The following LRP2 variants were observed in gnomAD, a reference collection of about 807,000 sequenced individuals.
The protein encoded by LRP2 is LDL receptor related protein 2, also known as low-density lipoprotein receptor-related protein 2.
LRP2 carries 172 observed loss-of-function variants against 531.0 expected under a neutral mutation model. That is an observed-to-expected ratio of 0.32 (90% confidence interval 0.29 to 0.37). The LOEUF (loss-of-function observed/expected upper bound fraction) is 0.37, where lower values mean the gene tolerates loss of function less well. Ranked by LOEUF, LRP2 falls within the 10% of genes least tolerant of loss-of-function variation. The probability of loss-of-function intolerance (pLI) is 1.00; values close to 1 mark genes in which losing one functional copy is unlikely to be tolerated. For synonymous variants in LRP2, 1,992 were observed against 2,027.6 expected, an observed-to-expected ratio of 0.98 and a Z score of 0.47; for missense variants, 5,167 against 5,868.3, an observed-to-expected ratio of 0.88 and a Z score of 3.90.
At chr2:169,269,093 A>G (rs1444491777) in intron 16 of LRP2, among the ~76,000 whole-genome samples, 1 of 152,112 alleles carries the variant, frequency 6.6e-6, no homozygotes, top group Admixed American at 6.6e-5. Context: ...ACTGCTCAGC[A>G]AAATAAAAGA....
At chr2:169,258,936 G>T in intron 17 of LRP2, 89 bp downstream of exon 17, 1 of 1,145,502 alleles carries the variant, frequency 8.7e-7, no homozygotes, top group South Asian at 1.2e-5. Flanking sequence ...TATATTTGCT[G>T]AACTTACCTA....
intron 31 of LRP2, among the ~76,000 whole-genome samples, chr2:169,229,966 C>CT (rs942618778): frequency 5.9e-5 from 9 of 151,866 alleles, no homozygotes; most frequent in African/African-American, 1.7e-4. Context: ...ATGTGGAAAC[C>CT]TTTTTTCATT....
chr2:169,135,688 A>G (rs1326938241), intron 76 of LRP2, among the ~76,000 whole-genome samples: 1 of 151,160 alleles, frequency 6.6e-6, no homozygotes, highest in Non-Finnish European at 1.5e-5. Flanking sequence ...TGCCCTTCTC[A>G]GAATTCAGGC....
chr2:169,258,517 C>T (rs918297440), intron 17 of LRP2, among the ~76,000 whole-genome samples: 1 of 151,976 alleles, frequency 6.6e-6, no homozygotes, highest in Non-Finnish European at 1.5e-5. Context: ...AAAGTAGGAA[C>T]CAAAAAGGAA....
At chr2:169,285,063 C>T (rs1683816844) in intron 9 of LRP2, among the ~76,000 whole-genome samples, 1 of 151,474 alleles carries the variant, frequency 6.6e-6, no homozygotes, top group Non-Finnish European at 1.5e-5. Flanking sequence ...AATCCCAGCA[C>T]TTTGGGAGGG....
chr2:169,231,163 G>A (rs527816300), intron 31 of LRP2, among the ~76,000 whole-genome samples: 17 of 152,054 alleles, frequency 1.1e-4, no homozygotes, highest in African/African-American at 3.4e-4. Flanking sequence ...GTGTGGTGGC[G>A]TGCACCTATA....
intron 50 of LRP2, among the ~76,000 whole-genome samples, chr2:169,184,749 GTT>G (rs373418121): frequency 7.6e-6 from 1 of 131,742 alleles, no homozygotes; most frequent in South Asian, 2.9e-4. Context: ...AGTATTGGTT[GTT>G]TTTTTTGTTT....
chr2:169,221,719 T>TTCC (rs1689014678), intron 33 of LRP2, among the ~76,000 whole-genome samples: 1 of 151,616 alleles, frequency 6.6e-6, no homozygotes, highest in Non-Finnish European at 1.5e-5. Context: ...TATATCCTTC[T>TTCC]TTCCCTCATT....
chr2:169,152,045 A>G (rs1267922570), intron 67 of LRP2, among the ~76,000 whole-genome samples: 1 of 152,204 alleles, frequency 6.6e-6, no homozygotes, highest in African/African-American at 2.4e-5. Flanking sequence ...GTTCATTTTC[A>G]AGGAATCATT....
chr2:169,346,557 G>A (rs1257342058), intron 1 of LRP2, among the ~76,000 whole-genome samples: 4 of 152,096 alleles, frequency 2.6e-5, no homozygotes. Flanking sequence ...AAGAAAAACA[G>A]AGCTAGGCAC....
intron 1 of LRP2, among the ~76,000 whole-genome samples, chr2:169,348,888 C>A (rs1439422072): frequency 2.0e-5 from 3 of 152,118 alleles, no homozygotes; most frequent in Non-Finnish European, 2.9e-5. Flanking sequence ...ATAGAGACAG[C>A]AATTTTCCTT....
intron 1 of LRP2, among the ~76,000 whole-genome samples, chr2:169,353,541 T>C (rs1685908678): frequency 6.6e-6 from 1 of 152,138 alleles, no homozygotes; most frequent in Non-Finnish European, 1.5e-5. Flanking sequence ...AAAAGTATTC[T>C]CCACACCCTT....
chr2:169,320,724 G>T, intron 2 of LRP2, 53 bp downstream of exon 2: 2 of 1,408,360 alleles, frequency 1.4e-6, no homozygotes, highest in Non-Finnish European at 2.0e-6. Context: ...GAAATCACCA[G>T]GAAGCACTTA....
rs1684140079 is a variant in LRP2, at chr2:169,296,602, C to A, written c.428-1892G>T. ...GAAGAAAAACTCGTAGAAAACCCAG[C>A]TCTTTGCAATAGATAAGCTATCTGT... On this transcript the variant is annotated intron_variant, in intron 4 of 78. Transcript: ENST00000649046. 5.3e-5 allele frequency among the ~76,000 whole-genome samples: 8 copies of A among 151,980 alleles called. No individual in the cohort carries two copies. In the South Asian group the frequency reaches 1.7e-3, roughly 32 times the overall value.
At chr2:169,186,213 C>T (rs1214843763) in intron 49 of LRP2, among the ~76,000 whole-genome samples, 194 bp from the exon 50 acceptor site, 1 of 152,184 alleles carries the variant, frequency 6.6e-6, no homozygotes, top group East Asian at 1.9e-4. Context: ...CTTACTCCTT[C>T]ATCAGTGGTT....
At position 169,256,109 on chromosome 2, in the gene LRP2, C is replaced by T; in HGVS notation, c.2767G>A (p.Gly923Arg). The part of the protein sequence containing the change: ...MTHPFGLAIF[G>R]EHLFFTDWRL... ...CTTTTATTGCTTTAAAACATACCTC[C>T]AAAGATGGCAAGTCCAAACGGATGT... Residue 923 changes from glycine (G) to arginine (R), a missense_variant, in exon 19 of 79, where the codon GGA becomes AGA. By Grantham distance (125) the Gly-to-Arg change is moderately radical (BLOSUM62 -2). Coordinates refer to ENST00000649046, the MANE Select transcript of LRP2 (RefSeq NM_004525.3). 6.2e-7 allele frequency: 1 copy of T among 1,612,742 alleles called. No individual in the cohort carries two copies. The highest frequency in any genetic ancestry group is 8.5e-7 in the Non-Finnish European group (1 of 1,179,068).
intron 19 of LRP2, among the ~76,000 whole-genome samples, chr2:169,248,689 G>A (rs1363383201): frequency 8.1e-6 from 1 of 124,176 alleles, no homozygotes; most frequent in Non-Finnish European, 1.7e-5. Flanking sequence ...GAGCGACGCA[G>A]AAGACGGTGA....
chr2:169,294,050 G>A lies in LRP2; in HGVS notation c.652+98C>T, dbSNP rs1684072431. 15 of 819,012 alleles carry A rather than the reference G, an allele frequency of 1.8e-5. 1 individual carries two copies. The South Asian group carries it at 2.1e-4, about 11-fold the overall frequency. The allele number at this position is 819,012 out of a possible 1,614,324, so 50.7% of individuals were successfully genotyped here. A position where few individuals can be genotyped will look rare whatever the true frequency, so the allele number is the denominator to read the frequency against. ...AGTGACTCTTCTCCTTGAAAAAAGA[G>A]GTACATTGGTGGGGGAGCGGGGGGA... On this transcript the variant is annotated intron_variant, in intron 6 of 78. Coordinates refer to ENST00000649046, the MANE Select transcript of LRP2 (RefSeq NM_004525.3).
chr2:169,272,309 C>A (rs1033400499), intron 15 of LRP2, among the ~76,000 whole-genome samples: 1 of 152,024 alleles, frequency 6.6e-6, no homozygotes, highest in African/African-American at 2.4e-5. Flanking sequence ...AGAAAGGAAA[C>A]CTTCAAGGTA....
Sources: gnomAD v4.1 joint callset for allele counts (sites outside exome capture counted in the v4.1 genomes callset) on GRCh38, gnomAD v4.1.1 for gene constraint, MANE v1.5 for transcripts, NCBI Gene and HGNC (gene_info 2026-07-23, HGNC 2026-07-21) for gene names.